The following GBP4 variants were observed in gnomAD, a reference collection of about 807,000 sequenced individuals.
GBP4 encodes the protein guanylate-binding protein 4.
In GBP4, 69 loss-of-function variants were observed where a neutral mutation model predicts 62.2. The observed-to-expected ratio is 1.11, with a 90% CI of 0.91 to 1.36. GBP4 has a LOEUF of 1.36. GBP4 is among the 40% of genes most tolerant of loss of function. GBP4 has a pLI of 0.00. For missense variants in GBP4, 697 were observed against 759.3 expected, an observed-to-expected ratio of 0.92 and a Z score of 0.96; for synonymous variants, 278 against 274.6, an observed-to-expected ratio of 1.01 and a Z score of -0.12.
intron 5 of GBP4, 143 bp from the exon 6 acceptor site, chr1:89,191,649 G>T: frequency 1.2e-6 from 1 of 837,556 alleles, no homozygotes; most frequent in Non-Finnish European, 1.8e-6. Flanking sequence ...ACAGCCTTGT[G>T]CTAATCCAAT....
At chr1:89,190,951 AATATATT>A (rs1648164899) in intron 6 of GBP4, among the ~76,000 whole-genome samples, 1 of 152,088 alleles carries the variant, frequency 6.6e-6, no homozygotes, top group Non-Finnish European at 1.5e-5. Flanking sequence ...AAATTTATAA[AATATATT>A]ATATATCTTC....
At chr1:89,198,607 G>T in intron 1 of GBP4, 188 bp downstream of exon 1, 1 of 615,058 alleles carries the variant, frequency 1.6e-6, no homozygotes, top group African/African-American at 1.8e-5. Context: ...GAGACGCTGG[G>T]CCACACGGAG....
At chr1:89,186,571 C>G (rs1648043097) in intron 9 of GBP4, 45 bp from the exon 10 acceptor site, 2 of 1,564,148 alleles carry the variant, frequency 1.3e-6, no homozygotes, top group Non-Finnish European at 1.7e-6. Flanking sequence ...GACAGTTATT[C>G]CTGAGTTCTA....
chr1:89,181,194 T>C lies in GBP4; in HGVS notation c.*4060A>G, dbSNP rs1217422470. The C allele has an allele frequency of 6.6e-6, 1 of 151,976 alleles. No homozygotes were observed. The highest frequency in any genetic ancestry group is 6.6e-5 in the Admixed American group (1 of 15,240). The allele number at this position is 151,976 out of a possible 1,614,324, so 9.4% of individuals were successfully genotyped here. On this transcript the variant is annotated 3_prime_UTR_variant, in exon 11 of 11. Transcript: ENST00000355754. ...ATCACCTGGGTGCAGGCTGGCTGAG[T>C]CCGAAAAGACAGTCAGTGAAGGGAG...
chr1:89,187,337 G>C (rs1438301111), intron 8 of GBP4, among the ~76,000 whole-genome samples: 1 of 151,940 alleles, frequency 6.6e-6, no homozygotes, highest in Non-Finnish European at 1.5e-5. Context: ...TGCCTGTCCA[G>C]CCTCCTCTCC....
intron 6 of GBP4, among the ~76,000 whole-genome samples, chr1:89,191,057 T>C (rs1039591494): frequency 6.6e-6 from 1 of 152,176 alleles, no homozygotes; most frequent in African/African-American, 2.4e-5. Flanking sequence ...GTGTATTAAT[T>C]TTGTGAGACA....
chr1:89,187,164 A>C, intron 8 of GBP4, 62 bp from the exon 9 acceptor site: 1 of 1,282,554 alleles, frequency 7.8e-7, no homozygotes, highest in African/African-American at 1.5e-5. Flanking sequence ...TATGATGGCG[A>C]AATTATTGTT....
At position 89,196,895 on chromosome 1, in the gene GBP4, C is replaced by G. The variant is rs544810651; in HGVS notation, c.235+215G>C. Among the ~76,000 whole-genome samples the G allele has an allele frequency of 3.9e-5, 6 of 152,244 alleles. No homozygotes were observed. In the East Asian group the frequency reaches 1.2e-3, roughly 29 times the overall value. ...TGAGCATAGATGGGATGAAGAAGACCCATGGAACGGATCTTTCGATAGGGT... is the reference window on the plus strand; with the variant it reads ...TGAGCATAGATGGGATGAAGAAGACGCATGGAACGGATCTTTCGATAGGGT... On this transcript the variant is annotated intron_variant, in intron 2 of 10. Coordinates refer to ENST00000355754, the MANE Select transcript of GBP4 (RefSeq NM_052941.5).
chr1:89,185,505 C>T (rs1648012786), intron 10 of GBP4, 36 bp from the exon 11 acceptor site: 1 of 1,117,414 alleles, frequency 8.9e-7, no homozygotes, highest in Non-Finnish European at 1.3e-6. Context: ...TGAAAATCTC[C>T]AATTTTCTTC....
At position 89,188,688 on chromosome 1, in the gene GBP4, C is replaced by G. The variant is rs763093459; in HGVS notation, c.1304G>C (p.Ser435Thr). ...AACAGAGAAAATTCCTCTCAAAATG[C>G]TTTCTGTCAGGTGCTCTGAAAGCCG... ...LKRLSEHLTE[S>T]ILRGIFSVPG... The change falls in exon 8 of 11, where the codon AGC becomes ACC. Residue 435 changes from serine to threonine, a missense_variant. By Grantham distance (58) the Ser-to-Thr change is moderately conservative (BLOSUM62 1). Transcript: ENST00000355754. 3.1e-6 allele frequency: 5 copies of G among 1,614,236 alleles called. No homozygotes were observed. The highest frequency in any genetic ancestry group is 4.2e-6 in the Non-Finnish European group (5 of 1,180,038).
chr1:89,192,851 A>G, intron 5 of GBP4, 53 bp downstream of exon 5: 2 of 1,542,870 alleles, frequency 1.3e-6, no homozygotes, highest in Non-Finnish European at 1.8e-6. Context: ...AGCAGGTCTT[A>G]GTTGATCCTA....
At position 89,182,275 on chromosome 1, in the gene GBP4, C is replaced by A. The variant is rs1647902157; in HGVS notation, c.*2979G>T. ...CCTTAAAATCCAAGCTCCTTGAATG[C>A]ACAATTTCTGTCCCTTTTAAGGGCT... On this transcript the variant is annotated 3_prime_UTR_variant, in exon 11 of 11. Coordinates refer to ENST00000355754, the MANE Select transcript of GBP4 (RefSeq NM_052941.5). 1 of 152,124 alleles carries A rather than the reference C, an allele frequency of 6.6e-6. No individual in the cohort carries two copies. The highest frequency in any genetic ancestry group is 2.1e-4 in the South Asian group (1 of 4,828). The allele number at this position is 152,124 out of a possible 1,614,324, so 9.4% of individuals were successfully genotyped here. A position where few individuals can be genotyped will look rare whatever the true frequency, so the allele number is the denominator to read the frequency against.
At chr1:89,196,032 T>C (rs1648328247) in intron 2 of GBP4, among the ~76,000 whole-genome samples, 1 of 152,182 alleles carries the variant, frequency 6.6e-6, no homozygotes, top group African/African-American at 2.4e-5. Context: ...TTGGACTTTA[T>C]CTAGAAATTT....
chr1:89,185,800 A>G (rs1648018693), intron 10 of GBP4, among the ~76,000 whole-genome samples: 1 of 152,242 alleles, frequency 6.6e-6, no homozygotes. Context: ...ATGCTCATCT[A>G]GCAAATAACG....
intron 3 of GBP4, 76 bp downstream of exon 3, chr1:89,195,221 G>A (rs951633549): frequency 2.7e-6 from 4 of 1,462,644 alleles, no homozygotes; most frequent in South Asian, 2.4e-5. Context: ...ACAGAGATAT[G>A]TACAGAAGTT....
At chr1:89,198,614 G>A in intron 1 of GBP4, 181 bp downstream of exon 1, 2 of 627,024 alleles carry the variant, frequency 3.2e-6, no homozygotes, top group East Asian at 5.6e-5. Flanking sequence ...TGGGCCACAC[G>A]GAGCAAAGCA....
chr1:89,195,196 A>G (rs1210160442), intron 3 of GBP4, 101 bp downstream of exon 3: 2 of 1,210,918 alleles, frequency 1.7e-6, no homozygotes, highest in Non-Finnish European at 2.3e-6. Flanking sequence ...ATTATTCATA[A>G]TTAGATTTGA....
Position 89,185,495 on chromosome 1 carries a change from T to C in GBP4, c.1708-26A>G, listed in dbSNP as rs759324811. On this transcript the variant is annotated intron_variant, in intron 10 of 10. Coordinates refer to ENST00000355754, the MANE Select transcript of GBP4 (RefSeq NM_052941.5). ...CTATAAAAGGGAAATAGTCCACTTT[T>C]GAAAATCTCCAATTTTCTTCAGGAG... 14 of 1,245,596 alleles carry C rather than the reference T, an allele frequency of 1.1e-5. No homozygotes were observed. The East Asian group carries it at 3.0e-4, about 27-fold the overall frequency. 77.2% of individuals were successfully genotyped at this position (1,245,596 alleles called of 1,614,324 possible). A position where few individuals can be genotyped will look rare whatever the true frequency, so the allele number is the denominator to read the frequency against.
In GBP4 at chr1:89,183,439, A is replaced by G. The variant is rs941162250; in HGVS notation, c.*1815T>C. ...AGACTTAAATATAAAACATTAAACT[A>G]TAAAAACTCTGAAAAATAACCTAAG... On this transcript the variant is annotated 3_prime_UTR_variant, in exon 11 of 11. Transcript: ENST00000355754. 1 of 152,258 alleles carries G rather than the reference A, an allele frequency of 6.6e-6. No homozygotes were observed. The highest frequency in any genetic ancestry group is 1.5e-5 in the Non-Finnish European group (1 of 68,048). The allele number at this position is 152,258 out of a possible 1,614,324, so 9.4% of individuals were successfully genotyped here.
Sources: gnomAD v4.1 joint callset for allele counts (sites outside exome capture counted in the v4.1 genomes callset) on GRCh38, gnomAD v4.1.1 for gene constraint, MANE v1.5 for transcripts, NCBI Gene and HGNC (gene_info 2026-07-23, HGNC 2026-07-21) for gene names.